GABRA3: variants seen among roughly 807,000 people sequenced by gnomAD.
GABRA3 encodes gamma-aminobutyric acid receptor subunit alpha-3.
GABRA3 carries 10 observed loss-of-function variants against 30.1 expected under a neutral mutation model. The ratio of observed to expected loss-of-function variants is 0.33; its 90% CI spans 0.20 to 0.56. The LOEUF is 0.56. Among genes scored for constraint, GABRA3 ranks in the 20% least tolerant of loss-of-function variants. The pLI, the probability that GABRA3 is intolerant of heterozygous loss-of-function variation, is 0.89. For synonymous variants in GABRA3, 151 were observed against 146.8 expected (o/e 1.03, Z -0.21); for missense variants, 233 against 392.0 (o/e 0.59, Z 3.42).
chrX:152,393,052 A>G (rs1929535890), intron 1 of GABRA3, among the ~76,000 whole-genome samples: 1 of 112,125 alleles, frequency 8.9e-6, no homozygotes, highest in Non-Finnish European at 1.9e-5. Context: ...ACACAATCCC[A>G]CGACATAAAG....
chrX:152,397,745 T>C (rs192930101), intron 1 of GABRA3, among the ~76,000 whole-genome samples: 17 of 112,130 alleles, frequency 1.5e-4, no homozygotes, highest in African/African-American at 5.2e-4. Context: ...AGGAGAAATT[T>C]CTCCTGTTTA....
chrX:152,196,408 G>GAAAAAAAAA (rs201138176), intron 8 of GABRA3, among the ~76,000 whole-genome samples: 1 of 64,061 alleles, frequency 1.6e-5, no homozygotes. Context: ...CAAAAAAAAA[G>GAAAAAAAAA]AAAAAAAAAA....
At chrX:152,343,941 C>T (rs1940353197) in intron 3 of GABRA3, among the ~76,000 whole-genome samples, 1 of 111,363 alleles carries the variant, frequency 9.0e-6, no homozygotes, top group African/African-American at 3.3e-5. Context: ...CACACACATA[C>T]ATATACATAT....
At chrX:152,258,853 G>A (rs1938681482) in intron 4 of GABRA3, among the ~76,000 whole-genome samples, 1 of 109,031 alleles carries the variant, frequency 9.2e-6, no homozygotes, top group Non-Finnish European at 1.9e-5. Context: ...CCACTCAGCA[G>A]GGACACCAAT....
chrX:152,415,799 A>C (rs144367662), intron 1 of GABRA3, among the ~76,000 whole-genome samples: 1 of 111,380 alleles, frequency 9.0e-6, no homozygotes, highest in Non-Finnish European at 1.9e-5. Flanking sequence ...TTATTTCAAA[A>C]TAAAAAACAT....
At chrX:152,366,074 G>A (rs908658189) in intron 1 of GABRA3, among the ~76,000 whole-genome samples, 43 of 111,589 alleles carry the variant, frequency 3.9e-4, no homozygotes, top group African/African-American at 1.3e-3. Flanking sequence ...GGAATGGTAC[G>A]GTTCAGAAAA....
intron 4 of GABRA3, among the ~76,000 whole-genome samples, chrX:152,275,013 T>C (rs190993289): frequency 1.0e-5 from 1 of 98,848 alleles, no homozygotes; most frequent in African/African-American, 3.7e-5. Context: ...GGTGTGTGTG[T>C]GGCATATGTT....
chrX:152,331,611 A>G (rs1355023412), intron 3 of GABRA3, among the ~76,000 whole-genome samples: 1 of 112,098 alleles, frequency 8.9e-6, no homozygotes, highest in Admixed American at 9.5e-5. Context: ...GCTATTGCAC[A>G]GTAGGGGCCC....
At chrX:152,239,664 G>T (rs1191664573) in intron 5 of GABRA3, among the ~76,000 whole-genome samples, 76 of 91,485 alleles carry the variant, frequency 8.3e-4, no homozygotes, top group Non-Finnish European at 1.3e-3. Flanking sequence ...CTTGCTTTAT[G>T]AATCTGGGTG....
chrX:152,193,988 C>T (rs1937355773), intron 8 of GABRA3, among the ~76,000 whole-genome samples: 1 of 111,876 alleles, frequency 8.9e-6, no homozygotes, highest in African/African-American at 3.2e-5. Flanking sequence ...CAGGGTGAGA[C>T]CCGCCTCAAA....
At chrX:152,292,405 T>C in intron 3 of GABRA3, among the ~76,000 whole-genome samples, 1 of 111,975 alleles carries the variant, frequency 8.9e-6, no homozygotes, top group Non-Finnish European at 1.9e-5. Context: ...CCCTTTATCA[T>C]TTTTTATTGC....
chrX:152,187,807 A>G (rs770573970), intron 9 of GABRA3, among the ~76,000 whole-genome samples: 34 of 112,394 alleles, frequency 3.0e-4, no homozygotes, highest in Non-Finnish European at 4.9e-4. Context: ...CTCTAATGCA[A>G]CTTCAAGTAA....
chrX:152,295,630 A>T (rs1939515503), intron 3 of GABRA3, among the ~76,000 whole-genome samples: 1 of 112,439 alleles, frequency 8.9e-6, no homozygotes, highest in Non-Finnish European at 1.9e-5. Context: ...GGAAGGGGAA[A>T]TCCCTTGACC....
chrX:152,309,660 C>A (rs1304390420), intron 3 of GABRA3, among the ~76,000 whole-genome samples: 2 of 111,905 alleles, frequency 1.8e-5, no homozygotes, highest in East Asian at 5.6e-4. Context: ...AACACAGAAA[C>A]AAAAGACTGG....
At chrX:152,181,931 T>A (rs1042119542) in intron 9 of GABRA3, among the ~76,000 whole-genome samples, 1 of 111,372 alleles carries the variant, frequency 9.0e-6, no homozygotes, top group South Asian at 3.8e-4. Context: ...TTGCTCTGGA[T>A]AGGTCTTCCA....
chrX:152,221,347 T>C (rs1937834000), intron 6 of GABRA3, among the ~76,000 whole-genome samples: 1 of 111,298 alleles, frequency 9.0e-6, no homozygotes, highest in Admixed American at 9.6e-5. Context: ...TCTCTCTCGT[T>C]CTCTCTCTCT....
intron 8 of GABRA3, among the ~76,000 whole-genome samples, chrX:152,194,874 C>T (rs2124351499): frequency 9.0e-6 from 1 of 111,078 alleles, no homozygotes; most frequent in East Asian, 2.8e-4. Flanking sequence ...ATCCTCTCAC[C>T]TCAGCCTCCC....
intron 1 of GABRA3, among the ~76,000 whole-genome samples, chrX:152,425,912 G>A (rs1258167589): frequency 9.0e-6 from 1 of 110,879 alleles, no homozygotes; most frequent in East Asian, 2.8e-4. Flanking sequence ...TCATCCTGTA[G>A]GTCCAGGTTA....
intron 3 of GABRA3, among the ~76,000 whole-genome samples, chrX:152,334,458 A>G (rs1007749513): frequency 1.8e-4 from 20 of 112,135 alleles, no homozygotes; most frequent in African/African-American, 6.5e-4. Flanking sequence ...CATATTATCT[A>G]ATGAATCTAC....
Sources: gnomAD v4.1 joint callset for allele counts (sites outside exome capture counted in the v4.1 genomes callset) on GRCh38, gnomAD v4.1.1 for gene constraint, MANE v1.5 for transcripts, NCBI Gene and HGNC (gene_info 2026-07-23, HGNC 2026-07-21) for gene names.